The following MAP3K5 variants were observed in gnomAD, a reference collection of about 807,000 sequenced individuals.
The protein encoded by MAP3K5 is mitogen-activated protein kinase kinase kinase 5.
In MAP3K5, 56 loss-of-function variants were observed where a neutral mutation model predicts 158.7. The observed-to-expected ratio is 0.35, with a 90% CI of 0.28 to 0.44. The LOEUF is 0.44. Among genes scored for constraint, MAP3K5 ranks in the 20% least tolerant of loss-of-function variants. MAP3K5 has a pLI of 1.00. For missense variants in MAP3K5, 1,294 were observed against 1,674.8 expected, an observed-to-expected ratio of 0.77 and a Z score of 3.97; for synonymous variants, 579 against 601.7, an observed-to-expected ratio of 0.96 and a Z score of 0.55.
At chr6:136,566,628 G>A (rs1047884482) in intron 26 of MAP3K5, among the ~76,000 whole-genome samples, 2 of 152,120 alleles carry the variant, frequency 1.3e-5, no homozygotes, top group African/African-American at 2.4e-5. Flanking sequence ...GGTTTCAGAG[G>A]ACAAAATTGG....
At chr6:136,701,937 C>T (rs938963991) in intron 3 of MAP3K5, among the ~76,000 whole-genome samples, 1 of 152,090 alleles carries the variant, frequency 6.6e-6, no homozygotes, top group African/African-American at 2.4e-5. Flanking sequence ...GAATACTGCA[C>T]CTGTGTAAAA....
chr6:136,627,459 AG>A (rs1777091681), intron 14 of MAP3K5, among the ~76,000 whole-genome samples: 1 of 152,202 alleles, frequency 6.6e-6, no homozygotes, highest in African/African-American at 2.4e-5. Context: ...CAAACTCCTT[AG>A]CACAGCATAA....
intron 9 of MAP3K5, among the ~76,000 whole-genome samples, chr6:136,658,122 G>C (rs573217898): frequency 1.3e-5 from 2 of 152,188 alleles, no homozygotes; most frequent in African/African-American, 4.8e-5. Context: ...GGCCTAACAT[G>C]GTGGTCTCTT....
chr6:136,777,650 G>C (rs1784451466), intron 1 of MAP3K5, among the ~76,000 whole-genome samples: 1 of 152,168 alleles, frequency 6.6e-6, no homozygotes, highest in Non-Finnish European at 1.5e-5. Flanking sequence ...ATTCATTAAT[G>C]TGACTTAGAA....
rs747757753 is a variant in MAP3K5 at position 136,754,083 on chromosome 6, G to A, written c.449-33494C>T. Reference sequence around the variant, plus strand: ...AGTCCAGGAGTTCAACACCAGTCTGGGCAGCATGATGAAACCCCATCTCTA... The same window carrying A: ...AGTCCAGGAGTTCAACACCAGTCTGAGCAGCATGATGAAACCCCATCTCTA... On this transcript the variant is annotated intron_variant, in intron 1 of 29. Transcript: ENST00000359015. Among the ~76,000 whole-genome samples, 51 of 151,792 alleles carry A rather than the reference G, an allele frequency of 3.4e-4. No individual in the cohort carries two copies. The Middle Eastern group carries it at 0.01, about 30-fold the overall frequency.
chr6:136,767,105 T>C (rs1373520295), intron 1 of MAP3K5, among the ~76,000 whole-genome samples: 1 of 152,232 alleles, frequency 6.6e-6, no homozygotes, highest in Admixed American at 6.5e-5. Context: ...AGGACAAGTT[T>C]ATCTCTATAA....
chr6:136,696,198 C>G, intron 5 of MAP3K5, 141 bp from the exon 6 acceptor site: 1 of 560,402 alleles, frequency 1.8e-6, no homozygotes, highest in East Asian at 2.9e-5. Context: ...TTTGAAGAAC[C>G]TAGAATAAAC....
chr6:136,695,049 A>G (rs1583431362), intron 6 of MAP3K5, among the ~76,000 whole-genome samples: 1 of 152,132 alleles, frequency 6.6e-6, no homozygotes, highest in East Asian at 1.9e-4. Context: ...GGGATTTGGG[A>G]GGGAAATGGA....
At chr6:136,608,119 G>C (rs1420398354) in intron 18 of MAP3K5, among the ~76,000 whole-genome samples, 1 of 152,178 alleles carries the variant, frequency 6.6e-6, no homozygotes, top group East Asian at 1.9e-4. Context: ...CCTGCCTGCT[G>C]TCATGGAGGA....
intron 1 of MAP3K5, among the ~76,000 whole-genome samples, chr6:136,752,931 A>T (rs1011621527): frequency 6.6e-5 from 10 of 152,108 alleles, no homozygotes; most frequent in African/African-American, 2.2e-4. Flanking sequence ...CTCATCCCAG[A>T]TCTCTGCATG....
chr6:136,694,202 G>A lies in MAP3K5; in HGVS notation c.1191C>T (p.Tyr397=). Residue 397 remains tyrosine (Y), a synonymous_variant, in exon 7 of 30, where the codon TAC becomes TAT. Transcript: ENST00000359015. ...AATTAGAGTCCAAAAACATATCTTT[G>A]TAGATTCGACCAACTAGGCAATACA... ...SDMYCLVGRI[Y]KDMFLDSNFT... is the part of the protein sequence containing the mutation. The A allele has an allele frequency of 6.2e-7, 1 of 1,613,826 alleles. No homozygotes were observed. The highest frequency in any genetic ancestry group is 8.5e-7 in the Non-Finnish European group (1 of 1,179,912).
At chr6:136,635,884 G>A (rs1777610543) in intron 14 of MAP3K5, among the ~76,000 whole-genome samples, 1 of 151,926 alleles carries the variant, frequency 6.6e-6, no homozygotes, top group Admixed American at 6.6e-5. Context: ...GCAAGAGCCG[G>A]TCTCAAAAAA....
chr6:136,744,395 A>T (rs1256636607), intron 1 of MAP3K5, among the ~76,000 whole-genome samples: 3 of 152,024 alleles, frequency 2.0e-5, no homozygotes, highest in Non-Finnish European at 4.4e-5. Flanking sequence ...ATATATGTAT[A>T]TATGAGAACC....
At chr6:136,713,189 G>A (rs1781384119) in intron 2 of MAP3K5, among the ~76,000 whole-genome samples, 1 of 152,172 alleles carries the variant, frequency 6.6e-6, no homozygotes, top group Admixed American at 6.5e-5. Context: ...TCCTCTGTGT[G>A]CAGAAGTAGT....
chr6:136,732,521 G>A (rs369128916), intron 1 of MAP3K5, among the ~76,000 whole-genome samples: 1 of 152,144 alleles, frequency 6.6e-6, no homozygotes, highest in African/African-American at 2.4e-5. Context: ...GAAGAACACC[G>A]ATCTCCTCCT....
intron 7 of MAP3K5, among the ~76,000 whole-genome samples, chr6:136,676,047 G>GA (rs1332860376): frequency 4.6e-5 from 7 of 152,076 alleles, no homozygotes; most frequent in Admixed American, 2.6e-4. Context: ...ATGACACAAG[G>GA]AAAAAATGGA....
intron 1 of MAP3K5, among the ~76,000 whole-genome samples, chr6:136,784,617 C>A (rs892328374): frequency 1.3e-5 from 2 of 152,056 alleles, no homozygotes; most frequent in Non-Finnish European, 2.9e-5. Context: ...TCGTTTCTCA[C>A]GTGAAGCAGT....
At chr6:136,639,126 G>GC (rs1562568936) in intron 13 of MAP3K5, among the ~76,000 whole-genome samples, 2 of 152,014 alleles carry the variant, frequency 1.3e-5, no homozygotes. Context: ...GGCCATGCAT[G>GC]TTTTTTTAAA....
intron 1 of MAP3K5, among the ~76,000 whole-genome samples, chr6:136,782,711 CTA>C (rs1396863709): frequency 6.6e-6 from 1 of 152,188 alleles, no homozygotes; most frequent in Non-Finnish European, 1.5e-5. Flanking sequence ...ATCTGCTCTA[CTA>C]TGATTTTATT....
Sources: gnomAD v4.1 joint callset for allele counts (sites outside exome capture counted in the v4.1 genomes callset) on GRCh38, gnomAD v4.1.1 for gene constraint, MANE v1.5 for transcripts, NCBI Gene and HGNC (gene_info 2026-07-23, HGNC 2026-07-21) for gene names.